The following CORIN variants were observed in gnomAD, a reference collection of about 807,000 sequenced individuals.
CORIN encodes corin, serine peptidase.
A neutral mutation model predicts 125.3 loss-of-function variants in CORIN; 117 were observed. The observed-to-expected ratio is 0.93, with a 90% CI of 0.80 to 1.09. CORIN has a LOEUF of 1.09. Among genes scored for constraint, CORIN ranks in the 50% least tolerant of loss-of-function variants. CORIN has a pLI of 0.00. For synonymous variants in CORIN, 450 were observed against 466.4 expected (o/e 0.96, Z 0.45); for missense variants, 1,253 against 1,306.7 (o/e 0.96, Z 0.63).
In CORIN at chr4:47,601,070, T is replaced by G. The variant is rs555956963; in HGVS notation, c.2813-723A>C. ...CTTTTAAACAGTGATGGTGAAGCAC[T>G]ACTGGGTACCTTATTGGAAGAAAGA... On this transcript the variant is annotated intron_variant, in intron 20 of 21. Transcript: ENST00000273857. 3.9e-5 allele frequency among the ~76,000 whole-genome samples: 6 copies of G among 152,356 alleles called. No homozygotes were observed. In the East Asian group the frequency reaches 1.2e-3, roughly 29 times the overall value.
chr4:47,720,175 A>C (rs1727283293), intron 5 of CORIN, among the ~76,000 whole-genome samples: 2 of 152,230 alleles, frequency 1.3e-5, no homozygotes, highest in Admixed American at 1.3e-4. Context: ...AAAACAAAAG[A>C]CTTCATGAAA....
intron 2 of CORIN, among the ~76,000 whole-genome samples, chr4:47,799,340 T>C (rs1423148717): frequency 6.6e-6 from 1 of 152,208 alleles, no homozygotes; most frequent in Non-Finnish European, 1.5e-5. Context: ...TTTGAAGTTC[T>C]TTGAGAAATC....
Position 47,594,160 on chromosome 4 carries a change from G to A in CORIN, c.*1561C>T, listed in dbSNP as rs192838161. On this transcript the variant is annotated 3_prime_UTR_variant, in exon 22 of 22. Transcript: ENST00000273857. Reference sequence around the variant, plus strand: ...TATGTTCTTGAACTTTCATACAATCGTGACCACAATTCAGTTGCTGGATTT... The same window carrying A: ...TATGTTCTTGAACTTTCATACAATCATGACCACAATTCAGTTGCTGGATTT... 15 of 152,212 alleles carry A rather than the reference G, an allele frequency of 9.9e-5. No homozygotes were observed. The South Asian group carries it at 1.0e-3, about 11-fold the overall frequency. The allele number at this position is 152,212 out of a possible 1,614,324, so 9.4% of individuals were successfully genotyped here.
Position 47,661,747 on chromosome 4 carries a change from T to A in CORIN, c.1699A>T (p.Asn567Tyr). ...TCATCAGGCATCAGGCAGGTTTGAT[T>A]GTCTGAATTTTCCTCTGGAAATTGA... ...CSQFPEENSDNQTCLMPDEYV... is the reference protein window; with the variant it reads ...CSQFPEENSDYQTCLMPDEYV... Residue 567 changes from asparagine (N) to tyrosine (Y), a missense_variant, in exon 12 of 22, where the codon AAT becomes TAT. Coordinates refer to ENST00000273857, the MANE Select transcript of CORIN (RefSeq NM_006587.4). 6.2e-7 allele frequency: 1 copy of A among 1,613,526 alleles called. No individual in the cohort carries two copies. The highest frequency in any genetic ancestry group is 8.5e-7 in the Non-Finnish European group (1 of 1,179,650).
chr4:47,697,190 C>A (rs1397401192), intron 5 of CORIN, among the ~76,000 whole-genome samples: 7 of 152,100 alleles, frequency 4.6e-5, no homozygotes, highest in African/African-American at 1.7e-4. Flanking sequence ...AAGAATACTT[C>A]TTGGGGAGAG....
At chr4:47,623,096 C>CTCTCTCTATATATATATATA (rs771867590) in intron 19 of CORIN, among the ~76,000 whole-genome samples, 6 of 102,298 alleles carry the variant, frequency 5.9e-5, no homozygotes, top group East Asian at 4.0e-4. Flanking sequence ...CTCTCTCTCT[C>CTCTCTCTATATATATATATA]TATATATATA....
At chr4:47,734,078 TG>T (rs1017230502) in intron 5 of CORIN, among the ~76,000 whole-genome samples, 1 of 151,926 alleles carries the variant, frequency 6.6e-6, no homozygotes, top group Non-Finnish European at 1.5e-5. Context: ...GTGGACTATT[TG>T]GGGGAGGATG....
chr4:47,785,032 A>G (rs997133870), intron 3 of CORIN, among the ~76,000 whole-genome samples: 4 of 152,230 alleles, frequency 2.6e-5, no homozygotes, highest in Non-Finnish European at 5.9e-5. Context: ...GGCTCAAAAT[A>G]AAAATAAATA....
intron 5 of CORIN, chr4:47,706,755 A>G: frequency 6.2e-7 from 1 of 1,600,562 alleles, no homozygotes; most frequent in Non-Finnish European, 8.5e-7. Context: ...TCCACATACA[A>G]ATTTTTTGAG....
At chr4:47,660,256 T>C (rs1214281798) in intron 12 of CORIN, among the ~76,000 whole-genome samples, 3 of 152,164 alleles carry the variant, frequency 2.0e-5, no homozygotes, top group Non-Finnish European at 4.4e-5. Context: ...TTGGGGAAAC[T>C]TTCCAGTACA....
chr4:47,810,784 C>T (rs901925766), intron 1 of CORIN, among the ~76,000 whole-genome samples: 1 of 152,098 alleles, frequency 6.6e-6, no homozygotes, highest in Non-Finnish European at 1.5e-5. Context: ...ATAGGTGACT[C>T]GCATCTTTAA....
intron 5 of CORIN, among the ~76,000 whole-genome samples, chr4:47,717,544 C>A (rs930809406): frequency 6.6e-6 from 1 of 152,190 alleles, no homozygotes; most frequent in African/African-American, 2.4e-5. Flanking sequence ...ACAGTGACTT[C>A]GCCCCTGAAA....
intron 3 of CORIN, among the ~76,000 whole-genome samples, chr4:47,780,904 T>C (rs112475312): frequency 0.012 from 1,848 of 151,670 alleles, 50 homozygotes; most frequent in African/African-American, 0.042. Flanking sequence ...ATATATATCC[T>C]TTGAGATTTT....
chr4:47,828,426 T>C (rs923793800), intron 1 of CORIN, among the ~76,000 whole-genome samples: 1 of 152,178 alleles, frequency 6.6e-6, no homozygotes, highest in African/African-American at 2.4e-5. Flanking sequence ...CACATACTCA[T>C]GCCTGTGTGA....
At chr4:47,639,962 C>G (rs1240320866) in intron 16 of CORIN, among the ~76,000 whole-genome samples, 1 of 151,912 alleles carries the variant, frequency 6.6e-6, no homozygotes, top group African/African-American at 2.4e-5. Context: ...ACTACTAGTA[C>G]TCATTTCTTT....
intron 2 of CORIN, 106 bp downstream of exon 2, chr4:47,806,797 A>G: frequency 8.3e-7 from 1 of 1,198,332 alleles, no homozygotes; most frequent in Non-Finnish European, 1.1e-6. Context: ...TAATCCTCTC[A>G]TTGACTGACA....
At chr4:47,722,185 C>A (rs1175001460) in intron 5 of CORIN, among the ~76,000 whole-genome samples, 1 of 152,132 alleles carries the variant, frequency 6.6e-6, no homozygotes, top group African/African-American at 2.4e-5. Context: ...GAAGTGGAAC[C>A]AGGATAATAG....
chr4:47,606,583 C>T (rs749929543), intron 19 of CORIN, among the ~76,000 whole-genome samples: 41 of 152,108 alleles, frequency 2.7e-4, no homozygotes, highest in Non-Finnish European at 4.6e-4. Context: ...TACATAAAGC[C>T]GTCACTAGAA....
rs1397379960 is a variant in CORIN at position 47,595,685 on chromosome 4, A to G, written c.*36T>C. ...ACAGTCAAGAAGGCCATTTTCTTTT[A>G]GTGTAGCTGGCAAAAGTCTCTGATC... On this transcript the variant is annotated 3_prime_UTR_variant, in exon 22 of 22. Coordinates refer to ENST00000273857, the MANE Select transcript of CORIN (RefSeq NM_006587.4). 3 of 1,532,120 alleles carry G rather than the reference A, an allele frequency of 2.0e-6. No homozygotes were observed. Among genetic ancestry groups the G allele is most frequent in the Admixed American group, 2.0e-5 (1 of 50,230 alleles). 94.9% of individuals were successfully genotyped at this position (1,532,120 alleles called of 1,614,324 possible).
Sources: gnomAD v4.1 joint callset for allele counts (sites outside exome capture counted in the v4.1 genomes callset) on GRCh38, gnomAD v4.1.1 for gene constraint, MANE v1.5 for transcripts, NCBI Gene and HGNC (gene_info 2026-07-23, HGNC 2026-07-21) for gene names.